The following ORC3 variants were observed in gnomAD, a reference collection of about 807,000 sequenced individuals.
ORC3 encodes origin recognition complex subunit 3.
A neutral mutation model predicts 100.7 loss-of-function variants in ORC3; 78 were observed. The ratio of observed to expected loss-of-function variants is 0.77; its 90% CI spans 0.65 to 0.94. The LOEUF is 0.94. ORC3 is among the 40% of genes least tolerant of loss of function. The probability of loss-of-function intolerance (pLI) is 0.00; values close to 1 mark genes in which losing one functional copy is unlikely to be tolerated. For synonymous variants in ORC3, 295 were observed against 289.3 expected (o/e 1.02, Z -0.20); for missense variants, 789 against 823.9 (o/e 0.96, Z 0.52).
chr6:87,663,069 C>T lies in ORC3; in HGVS notation c.1758C>T (p.Ala586=). 1 of 1,612,428 alleles carries T rather than the reference C, an allele frequency of 6.2e-7. No homozygotes were observed. Among genetic ancestry groups the T allele is most frequent in the Non-Finnish European group, 8.5e-7 (1 of 1,178,640 alleles). The change falls in exon 17 of 20, where the codon GCC becomes GCT. Residue 586 remains alanine (A), a synonymous_variant. Transcript: ENST00000392844. ...TGGTGTACTTCAGTGCTGCCCATGC[C>T]CTTCGTGAGCATTTAAATGCTGCTC... The part of the protein sequence containing the change: ...HEVVYFSAAH[A]LREHLNAAPR...
At chr6:87,642,678 G>C (rs1768366370) in intron 13 of ORC3, among the ~76,000 whole-genome samples, 1 of 152,012 alleles carries the variant, frequency 6.6e-6, no homozygotes, top group Admixed American at 6.6e-5. Flanking sequence ...CGAGGCGGAT[G>C]GATCACGAGG....
rs28381462 is a variant in ORC3, at chr6:87,590,514, A to T, written c.24+322A>T. On this transcript the variant is annotated intron_variant, in intron 1 of 19. Coordinates refer to ENST00000392844, the MANE Select transcript of ORC3 (RefSeq NM_012381.4). ...GCCAAGCACTCCGTTAGGTACCAAG[A>T]TGCAGTGGTAAACAAAACAGATTCA... 3.9e-5 allele frequency among the ~76,000 whole-genome samples: 6 copies of T among 152,330 alleles called. No homozygotes were observed. In the South Asian group the frequency reaches 1.2e-3, roughly 32 times the overall value.
In ORC3 at chr6:87,631,258, T is replaced by G. The variant is rs533929302; in HGVS notation, c.1186-3587T>G. Among the ~76,000 whole-genome samples, 99 of 152,250 alleles carry G rather than the reference T, an allele frequency of 6.5e-4. 1 individual carries two copies. Among genetic ancestry groups the G allele is most frequent in the African/African-American group, 2.4e-3 (98 of 41,540 alleles). On this transcript the variant is annotated intron_variant, in intron 11 of 19. Transcript: ENST00000392844. ...ATCAGTAAAGACTAAGAAGTCTTCA[T>G]GCTTAAAGAACAGAGAAAGCATATC...
At chr6:87,643,156 A>C (rs554176221) in intron 13 of ORC3, among the ~76,000 whole-genome samples, 2 of 151,284 alleles carry the variant, frequency 1.3e-5, no homozygotes, top group South Asian at 2.1e-4. Context: ...TTCAATGTGC[A>C]TAAGAATTAG....
At chr6:87,655,353 A>T (rs1359941584) in intron 14 of ORC3, among the ~76,000 whole-genome samples, 7 of 137,526 alleles carry the variant, frequency 5.1e-5, no homozygotes, top group African/African-American at 8.1e-5. Flanking sequence ...ATCCAGCTGA[A>T]TTTTTTTTTT....
chr6:87,662,333 G>A (rs1367047394), intron 16 of ORC3, among the ~76,000 whole-genome samples: 6 of 152,100 alleles, frequency 3.9e-5, no homozygotes, highest in Non-Finnish European at 8.8e-5. Context: ...GCTGAGGGCT[G>A]AGTCAGGAGA....
intron 13 of ORC3, among the ~76,000 whole-genome samples, chr6:87,642,342 G>C (rs1201469353): frequency 2.0e-5 from 3 of 152,234 alleles, no homozygotes; most frequent in Admixed American, 1.3e-4. Flanking sequence ...TGTAATTCAA[G>C]TACTTTGGGA....
chr6:87,629,961 C>T (rs1173643625), intron 11 of ORC3, among the ~76,000 whole-genome samples: 1 of 152,018 alleles, frequency 6.6e-6, no homozygotes, highest in Non-Finnish European at 1.5e-5. Flanking sequence ...GTATATTGCA[C>T]ATTAAGAGGC....
intron 13 of ORC3, among the ~76,000 whole-genome samples, chr6:87,639,376 C>T (rs902474709): frequency 6.6e-6 from 1 of 152,164 alleles, no homozygotes; most frequent in Non-Finnish European, 1.5e-5. Flanking sequence ...GCTCTTACCC[C>T]CACCATAGTG....
chr6:87,593,037 G>C (rs1777156252), intron 1 of ORC3, among the ~76,000 whole-genome samples: 1 of 152,144 alleles, frequency 6.6e-6, no homozygotes, highest in Non-Finnish European at 1.5e-5. Flanking sequence ...AGGTTGCAGT[G>C]AGCCAGGATC....
rs951688675 is a variant in ORC3, at chr6:87,592,254, A to G, written c.24+2062A>G. On this transcript the variant is annotated intron_variant, in intron 1 of 19. Transcript: ENST00000392844. Reference sequence around the variant, plus strand: ...TGCAGGTGGATTTGGAAAGGAGGTAATGACAGGTTTGTCATGGTATCACAT... The same window carrying G: ...TGCAGGTGGATTTGGAAAGGAGGTAGTGACAGGTTTGTCATGGTATCACAT... 7.2e-5 allele frequency among the ~76,000 whole-genome samples: 11 copies of G among 152,320 alleles called. No homozygotes were observed. The East Asian group carries it at 1.2e-3, about 16-fold the overall frequency.
At chr6:87,592,421 A>G (rs1378696110) in intron 1 of ORC3, among the ~76,000 whole-genome samples, 1 of 151,686 alleles carries the variant, frequency 6.6e-6, no homozygotes, top group East Asian at 2.0e-4. Context: ...ATCTGAGGTC[A>G]GGAGTTCGAG....
At chr6:87,595,623 C>T (rs1777375067) in intron 2 of ORC3, among the ~76,000 whole-genome samples, 1 of 152,180 alleles carries the variant, frequency 6.6e-6, no homozygotes, top group African/African-American at 2.4e-5. Context: ...CACCCTCCAT[C>T]ATCTCTCGGA....
intron 1 of ORC3, among the ~76,000 whole-genome samples, chr6:87,594,064 A>G (rs1777244454): frequency 1.3e-5 from 2 of 152,242 alleles, no homozygotes; most frequent in Admixed American, 6.5e-5. Flanking sequence ...AAATTTAATC[A>G]GCTTTTATTT....
chr6:87,675,510 G>T, the ORC3 span: 3 of 1,532,590 alleles, frequency 2.0e-6, no homozygotes, highest in East Asian at 2.3e-5. Flanking sequence ...CACAGAAGGG[G>T]TATTGGCATT....
At chr6:87,648,667 T>C (rs549995669) in intron 13 of ORC3, among the ~76,000 whole-genome samples, 67 of 144,396 alleles carry the variant, frequency 4.6e-4, no homozygotes, top group Middle Eastern at 7.3e-3. Flanking sequence ...AATAATAGTA[T>C]TTACATTGTA....
chr6:87,632,448 G>A (rs1477789255), intron 11 of ORC3, among the ~76,000 whole-genome samples: 1 of 152,126 alleles, frequency 6.6e-6, no homozygotes, highest in Non-Finnish European at 1.5e-5. Flanking sequence ...TCTCTCATTC[G>A]TTAAGTCCAT....
chr6:87,652,588 C>T (rs1769362549), intron 13 of ORC3, among the ~76,000 whole-genome samples: 1 of 152,128 alleles, frequency 6.6e-6, no homozygotes, highest in Admixed American at 6.6e-5. Context: ...AATGAGTGTA[C>T]TATTTTGGTT....
chr6:87,667,747 T>C (rs1369993441), downstream of ORC3, among the ~76,000 whole-genome samples: 1 of 151,568 alleles, frequency 6.6e-6, no homozygotes, highest in African/African-American at 2.4e-5. Flanking sequence ...GCCAACAAGG[T>C]GAAACCCCAT....
Sources: gnomAD v4.1 joint callset for allele counts (sites outside exome capture counted in the v4.1 genomes callset) on GRCh38, gnomAD v4.1.1 for gene constraint, MANE v1.5 for transcripts, NCBI Gene and HGNC (gene_info 2026-07-23, HGNC 2026-07-21) for gene names.